ARHGAP15: variants seen among roughly 807,000 people sequenced by gnomAD.
ARHGAP15 encodes the protein rho GTPase-activating protein 15.
ARHGAP15 carries 51 observed loss-of-function variants against 63.7 expected under a neutral mutation model. That is an observed-to-expected ratio of 0.80 (90% CI 0.64 to 1.01). The LOEUF (loss-of-function observed/expected upper bound fraction) is 1.01, where lower values mean the gene tolerates loss of function less well. Ranked by LOEUF, ARHGAP15 falls within the 50% of genes least tolerant of loss-of-function variation. ARHGAP15 has a pLI of 0.00. For synonymous variants in ARHGAP15, 191 were observed against 193.8 expected, an observed-to-expected ratio of 0.99 and a Z score of 0.12; for missense variants, 560 against 564.6, an observed-to-expected ratio of 0.99 and a Z score of 0.08.
chr2:143,761,474 A>G (rs1686756595), intron 13 of ARHGAP15, among the ~76,000 whole-genome samples: 1 of 152,168 alleles, frequency 6.6e-6, no homozygotes, highest in African/African-American at 2.4e-5. Flanking sequence ...CTTTCAACAC[A>G]CTTTGCAAGT....
At chr2:143,734,094 C>T (rs1685653318) in intron 13 of ARHGAP15, among the ~76,000 whole-genome samples, 1 of 152,148 alleles carries the variant, frequency 6.6e-6, no homozygotes, top group African/African-American at 2.4e-5. Flanking sequence ...CAGGTGAGGG[C>T]CTTCCCTACC....
chr2:143,527,891 TGGTTGA>T (rs1030105700), intron 10 of ARHGAP15, among the ~76,000 whole-genome samples: 1 of 152,162 alleles, frequency 6.6e-6, no homozygotes, highest in Middle Eastern at 3.4e-3. Context: ...CAACAGTTGT[TGGTTGA>T]AGGCAGCTCA....
chr2:143,351,800 G>T (rs1381034687), intron 6 of ARHGAP15, among the ~76,000 whole-genome samples: 1 of 152,084 alleles, frequency 6.6e-6, no homozygotes, highest in Non-Finnish European at 1.5e-5. Flanking sequence ...GTACCCTGGA[G>T]CTTTGCTGTG....
chr2:143,203,102 A>G (rs370549682), intron 3 of ARHGAP15, among the ~76,000 whole-genome samples: 2 of 152,026 alleles, frequency 1.3e-5, no homozygotes, highest in East Asian at 3.9e-4. Flanking sequence ...AGGATATTGC[A>G]CTATGATTAC....
chr2:143,480,110 A>G (rs1460084189), intron 8 of ARHGAP15, among the ~76,000 whole-genome samples: 1 of 152,208 alleles, frequency 6.6e-6, no homozygotes, highest in Non-Finnish European at 1.5e-5. Context: ...TACATTATCA[A>G]TGTAGATACA....
At chr2:143,201,549 T>C (rs915488670) in intron 2 of ARHGAP15, among the ~76,000 whole-genome samples, 4 of 152,112 alleles carry the variant, frequency 2.6e-5, no homozygotes, top group Non-Finnish European at 4.4e-5. Flanking sequence ...ATTGATCTCA[T>C]AGAGATAGGG....
intron 1 of ARHGAP15, among the ~76,000 whole-genome samples, chr2:143,130,689 A>T (rs931287041): frequency 1.8e-4 from 27 of 152,174 alleles, no homozygotes; most frequent in African/African-American, 6.3e-4. Context: ...CTACTTGTTG[A>T]CTATTAAAAT....
Position 143,588,629 on chromosome 2 carries a change from G to A in ARHGAP15, c.1003+32144G>A, listed in dbSNP as rs370433717. On this transcript the variant is annotated intron_variant, in intron 11 of 13. Coordinates refer to ENST00000295095, the MANE Select transcript of ARHGAP15 (RefSeq NM_018460.4). ...TAGTTTGCTGAGGATGATGGCTTCC[G>A]GCTTCATCCATGTCCCTGCAAAGAA... is the stretch of plus-strand genomic sequence containing the variant. Among the ~76,000 whole-genome samples, 21 of 152,154 alleles carry A rather than the reference G, an allele frequency of 1.4e-4. No individual in the cohort carries two copies. The South Asian group carries it at 1.9e-3, about 14-fold the overall frequency.
At chr2:143,396,566 G>T (rs1340206751) in intron 6 of ARHGAP15, among the ~76,000 whole-genome samples, 2 of 151,012 alleles carry the variant, frequency 1.3e-5, no homozygotes, top group Non-Finnish European at 2.9e-5. Flanking sequence ...GTGCGTGTGT[G>T]TTTTTTAAGT....
chr2:143,190,920 G>A (rs561264843), intron 2 of ARHGAP15, among the ~76,000 whole-genome samples: 8 of 152,288 alleles, frequency 5.3e-5, no homozygotes, highest in East Asian at 3.9e-4. Context: ...ACAGGCGTGC[G>A]TCACCATGCC....
intron 6 of ARHGAP15, among the ~76,000 whole-genome samples, chr2:143,433,330 C>T (rs1689469277): frequency 6.6e-6 from 1 of 152,012 alleles, no homozygotes; most frequent in Admixed American, 6.6e-5. Context: ...CTGTAGAGAG[C>T]AGTAGCAGAC....
chr2:143,360,503 C>CA (rs61561757), intron 6 of ARHGAP15, among the ~76,000 whole-genome samples: 23,687 of 146,268 alleles, frequency 0.16, 2,214 homozygotes, highest in African/African-American at 0.27. Context: ...TAAATTTTAG[C>CA]AAAAAAAAAA....
intron 5 of ARHGAP15, among the ~76,000 whole-genome samples, chr2:143,248,600 G>A (rs1255515945): frequency 6.6e-6 from 1 of 152,106 alleles, no homozygotes; most frequent in East Asian, 1.9e-4. Context: ...CTACAACTTA[G>A]TGATGATAAT....
intron 13 of ARHGAP15, among the ~76,000 whole-genome samples, chr2:143,739,602 T>G (rs1281207006): frequency 6.6e-6 from 1 of 152,116 alleles, no homozygotes; most frequent in Non-Finnish European, 1.5e-5. Context: ...TCAGAAAGGG[T>G]TGATATTTTC....
chr2:143,494,678 G>A (rs1244931834), intron 9 of ARHGAP15, among the ~76,000 whole-genome samples: 2 of 151,902 alleles, frequency 1.3e-5, no homozygotes, highest in Non-Finnish European at 1.5e-5. Flanking sequence ...TGTCTGATGG[G>A]CAATAGTTGT....
chr2:143,226,807 T>A (rs966381692), intron 4 of ARHGAP15, among the ~76,000 whole-genome samples: 3 of 152,254 alleles, frequency 2.0e-5, no homozygotes, highest in African/African-American at 7.2e-5. Context: ...ATTCTGTTCT[T>A]TTTTAACACA....
chr2:143,178,483 A>G (rs1318538636), intron 2 of ARHGAP15, among the ~76,000 whole-genome samples: 1 of 152,250 alleles, frequency 6.6e-6, no homozygotes, highest in African/African-American at 2.4e-5. Context: ...AAAGTGACAT[A>G]TAAATGTTCA....
At chr2:143,232,306 C>A (rs538572931) in intron 5 of ARHGAP15, among the ~76,000 whole-genome samples, 2 of 152,092 alleles carry the variant, frequency 1.3e-5, no homozygotes, top group Admixed American at 1.3e-4. Flanking sequence ...ATAAAAGACA[C>A]CCTTTACCAA....
At chr2:143,192,620 CACGGGTTTGCTGTAGATTTGA>C (rs1691726013) in intron 2 of ARHGAP15, among the ~76,000 whole-genome samples, 1 of 152,204 alleles carries the variant, frequency 6.6e-6, no homozygotes, top group Non-Finnish European at 1.5e-5. Flanking sequence ...TATTCCTCTC[CACGGGTTTGCTGTAGATTTGA>C]AAGAGAGATG....
Sources: gnomAD v4.1 joint callset for allele counts (sites outside exome capture counted in the v4.1 genomes callset) on GRCh38, gnomAD v4.1.1 for gene constraint, MANE v1.5 for transcripts, NCBI Gene and HGNC (gene_info 2026-07-23, HGNC 2026-07-21) for gene names.